Variants in IMMP2L observed in about 807,000 individuals in gnomAD.
IMMP2L encodes the protein mitochondrial inner membrane protease subunit 2.
A neutral mutation model predicts 19.3 loss-of-function variants in IMMP2L; 18 were observed. That is an observed-to-expected ratio of 0.93 (90% confidence interval 0.64 to 1.38). IMMP2L has a LOEUF of 1.38. Among genes scored for constraint, IMMP2L ranks in the 40% most tolerant of loss-of-function variants. IMMP2L has a pLI of 0.00. For synonymous variants in IMMP2L, 76 were observed against 73.0 expected (o/e 1.04, Z -0.21); for missense variants, 233 against 218.2 (o/e 1.07, Z -0.43).
rs1460903496 is a variant in IMMP2L, at chr7:110,809,370, A to T, written c.408+77223T>A. ...CCTATCAACATATATACATTATTTT[A>T]TATATAGCAAGAAAGACCAAAATAT... is the stretch of plus-strand genomic sequence containing the variant. On this transcript the variant is annotated intron_variant, in intron 5 of 5. Transcript: ENST00000405709. 3.3e-5 allele frequency among the ~76,000 whole-genome samples: 5 copies of T among 152,134 alleles called. No individual in the cohort carries two copies. The East Asian group carries it at 9.7e-4, about 30-fold the overall frequency.
At chr7:111,055,632 C>T (rs940821018) in intron 3 of IMMP2L, among the ~76,000 whole-genome samples, 1 of 152,146 alleles carries the variant, frequency 6.6e-6, no homozygotes, top group Admixed American at 6.5e-5. Context: ...CCTTGGGCCG[C>T]ACTTCTTCGC....
intron 3 of IMMP2L, among the ~76,000 whole-genome samples, chr7:111,056,095 A>T (rs760817370): frequency 6.1e-4 from 93 of 152,220 alleles, no homozygotes; most frequent in Non-Finnish European, 8.8e-4. Context: ...TTTAAGAATA[A>T]CCTGTTTATT....
chr7:111,170,503 A>G (rs1192208737), intron 3 of IMMP2L, among the ~76,000 whole-genome samples: 1 of 151,884 alleles, frequency 6.6e-6, no homozygotes, highest in African/African-American at 2.4e-5. Context: ...GTTTAGGCCA[A>G]TACCCTTAAG....
In IMMP2L at chr7:111,229,938, C is replaced by G. The variant is rs754123170; in HGVS notation, c.239+257300G>C. On this transcript the variant is annotated intron_variant, in intron 3 of 5. Transcript: ENST00000405709. Reference sequence around the variant, plus strand: ...GGTAAAAATCTCTGTGTTACATTTTCTCAGCTCTTAAATGTAATTCCAAAA... The same window carrying G: ...GGTAAAAATCTCTGTGTTACATTTTGTCAGCTCTTAAATGTAATTCCAAAA... 6.4e-4 allele frequency among the ~76,000 whole-genome samples: 97 copies of G among 152,080 alleles called. 2 individuals carry two copies. The highest frequency in any genetic ancestry group is 4.8e-3 in the Admixed American group (73 of 15,234).
intron 3 of IMMP2L, among the ~76,000 whole-genome samples, chr7:111,182,000 T>C (rs1166716644): frequency 1.3e-5 from 2 of 152,052 alleles, no homozygotes; most frequent in Non-Finnish European, 2.9e-5. Flanking sequence ...CAGCCATTTC[T>C]TACTTTAATA....
At chr7:110,955,888 G>A (rs1477898805) in intron 4 of IMMP2L, among the ~76,000 whole-genome samples, 3 of 151,624 alleles carry the variant, frequency 2.0e-5, no homozygotes, top group Admixed American at 2.0e-4. Context: ...GAGCCATATG[G>A]ATACATTGGC....
chr7:111,539,082 C>T lies in IMMP2L; in HGVS notation c.-2-17633G>A, dbSNP rs565204918. 2.6e-3 allele frequency among the ~76,000 whole-genome samples: 393 copies of T among 148,562 alleles called. 3 individuals are homozygous for T. Among genetic ancestry groups the T allele is most frequent in the Middle Eastern group, 0.021 (6 of 290 alleles). ...TTGCAGTGAGCAGATCATGCCACTG[C>T]ACTCCAGCCTTGGCGACAGAACAAG... On this transcript the variant is annotated intron_variant, in intron 1 of 5. Transcript: ENST00000405709.
intron 5 of IMMP2L, among the ~76,000 whole-genome samples, chr7:110,832,191 G>T (rs1345249580): frequency 1.3e-5 from 2 of 152,184 alleles, no homozygotes; most frequent in Non-Finnish European, 2.9e-5. Flanking sequence ...GAACTGGGAG[G>T]TGGAGGTTGC....
chr7:111,073,093 T>G (rs558537499), intron 3 of IMMP2L, among the ~76,000 whole-genome samples: 3 of 152,246 alleles, frequency 2.0e-5, no homozygotes, highest in African/African-American at 7.2e-5. Context: ...ATTTGATAAT[T>G]GTACTGTGGT....
chr7:111,085,339 T>A (rs545056275), intron 3 of IMMP2L, among the ~76,000 whole-genome samples: 3 of 152,354 alleles, frequency 2.0e-5, no homozygotes, highest in Non-Finnish European at 2.9e-5. Context: ...TCCAAAGCAG[T>A]TGAACTAATT....
intron 3 of IMMP2L, among the ~76,000 whole-genome samples, chr7:111,192,906 T>C (rs1809049605): frequency 6.6e-6 from 1 of 151,904 alleles, no homozygotes. Context: ...TTTAGAAAAA[T>C]GATGGCTAAT....
At chr7:111,016,700 A>G (rs1398812245) in intron 3 of IMMP2L, among the ~76,000 whole-genome samples, 1 of 101,954 alleles carries the variant, frequency 9.8e-6, no homozygotes, top group Non-Finnish European at 1.7e-5. Context: ...TTTCTATATT[A>G]TATATAATTT....
Position 111,422,116 on chromosome 7 carries a change from G to T in IMMP2L, c.239+65122C>A, listed in dbSNP as rs1318608401. Reference sequence around the variant, plus strand: ...TTTGGTACCAGTACCATGCTGTTTTGGTTACTGTAGCATTGTAGTCTAGTT... The same window carrying T: ...TTTGGTACCAGTACCATGCTGTTTTTGTTACTGTAGCATTGTAGTCTAGTT... On this transcript the variant is annotated intron_variant, in intron 3 of 5. Coordinates refer to ENST00000405709, the MANE Select transcript of IMMP2L (RefSeq NM_032549.4). Among the ~76,000 whole-genome samples the T allele has an allele frequency of 2.6e-5, 4 of 151,700 alleles. No homozygotes were observed. The East Asian group carries it at 7.7e-4, about 29-fold the overall frequency.
chr7:110,754,965 G>A (rs1042384398), intron 5 of IMMP2L, among the ~76,000 whole-genome samples: 8 of 151,612 alleles, frequency 5.3e-5, no homozygotes, highest in Non-Finnish European at 7.4e-5. Flanking sequence ...TAATCTGACC[G>A]TCAGGCTCTG....
intron 3 of IMMP2L, among the ~76,000 whole-genome samples, chr7:111,286,954 A>C (rs984145678): frequency 6.6e-6 from 1 of 152,166 alleles, no homozygotes; most frequent in Admixed American, 6.6e-5. Context: ...CCTTAGAATA[A>C]TTCAAATTAG....
intron 3 of IMMP2L, among the ~76,000 whole-genome samples, chr7:111,474,099 C>G (rs1182729367): frequency 6.6e-6 from 1 of 152,008 alleles, no homozygotes; most frequent in Non-Finnish European, 1.5e-5. Context: ...CAAGTACTCA[C>G]TTAAAAGTGG....
In IMMP2L at chr7:110,664,344, C is replaced by T. The variant is rs147524423; in HGVS notation, c.409-623G>A. ...TCCATGGAGAGTACACTGAGTAACA[C>T]GGATCTAGTACTCATGGAGAGAGGT... On this transcript the variant is annotated intron_variant, in intron 5 of 5. Transcript: ENST00000405709. Among the ~76,000 whole-genome samples the T allele has an allele frequency of 3.3e-3, 506 of 151,548 alleles. 2 individuals are homozygous for T. The highest frequency in any genetic ancestry group is 0.011 in the African/African-American group (464 of 41,296).
chr7:111,099,249 TC>T (rs1797717552), intron 3 of IMMP2L, among the ~76,000 whole-genome samples: 2 of 151,730 alleles, frequency 1.3e-5, no homozygotes, highest in African/African-American at 4.8e-5. Context: ...TAATAAGCTT[TC>T]CTTGTATCTA....
At chr7:111,141,049 G>A (rs942221532) in intron 3 of IMMP2L, among the ~76,000 whole-genome samples, 4 of 152,140 alleles carry the variant, frequency 2.6e-5, no homozygotes, top group Non-Finnish European at 5.9e-5. Context: ...TGGCTAGTTG[G>A]TGAAAGAGTC....
Sources: gnomAD v4.1 joint callset for allele counts (sites outside exome capture counted in the v4.1 genomes callset) on GRCh38, gnomAD v4.1.1 for gene constraint, MANE v1.5 for transcripts, NCBI Gene and HGNC (gene_info 2026-07-23, HGNC 2026-07-21) for gene names.